Variants in VPS13D observed in about 807,000 individuals in gnomAD.
VPS13D encodes the protein vacuolar protein sorting 13 homolog D, also known as intermembrane lipid transfer protein VPS13D.
Under a neutral mutation model 461.9 loss-of-function variants are expected in VPS13D, and 187 were observed. The ratio of observed to expected loss-of-function variants is 0.40; its 90% CI spans 0.36 to 0.46. The LOEUF (loss-of-function observed/expected upper bound fraction) is 0.46, where lower values mean the gene tolerates loss of function less well. VPS13D is among the 20% of genes least tolerant of loss of function. The probability of loss-of-function intolerance (pLI) is 0.60; values close to 1 mark genes in which losing one functional copy is unlikely to be tolerated. For synonymous variants in VPS13D, 1,951 were observed against 1,986.3 expected (o/e 0.98, Z 0.47); for missense variants, 4,711 against 5,364.9 (o/e 0.88, Z 3.81).
In VPS13D at chr1:12,385,266, G is replaced by C. The variant is rs573301066; in HGVS notation, c.11377G>C (p.Asp3793His). ...GTGTTTTATTTGACTTCAGATAACA[G>C]ATTTCTGCCACCGGAAAAGCAGCCG... ...DGPTRALQIT[D>H]FCHRKSSRSY... Residue 3793 changes from aspartate (D) to histidine (H), a missense_variant, in exon 59 of 70, where the codon GAT becomes CAT. Coordinates refer to ENST00000620676, the MANE Select transcript of VPS13D (RefSeq NM_015378.4). 6.2e-7 allele frequency: 1 copy of C among 1,613,488 alleles called. No homozygotes were observed. Among genetic ancestry groups the C allele is most frequent in the African/African-American group, 1.3e-5 (1 of 75,020 alleles).
intron 38 of VPS13D, among the ~76,000 whole-genome samples, chr1:12,335,199 T>G (rs2101563602): frequency 6.6e-6 from 1 of 152,290 alleles, no homozygotes; most frequent in South Asian, 2.1e-4. Flanking sequence ...ACTGAGTAGC[T>G]GGGACTACAG....
chr1:12,252,600 C>T (rs1263306240), intron 6 of VPS13D, among the ~76,000 whole-genome samples: 1 of 151,278 alleles, frequency 6.6e-6, no homozygotes, highest in Non-Finnish European at 1.5e-5. Context: ...GATGAAACCC[C>T]ATCTCTATTA....
intron 55 of VPS13D, among the ~76,000 whole-genome samples, chr1:12,377,142 C>T (rs889426626): frequency 6.6e-6 from 1 of 151,978 alleles, no homozygotes; most frequent in Middle Eastern, 3.4e-3. Context: ...TCACTGCAAC[C>T]TCTGCCTCCT....
At position 12,257,823 on chromosome 1, in the gene VPS13D, A is replaced by G. The variant is rs1181164130; in HGVS notation, c.942-112A>G. On this transcript the variant is annotated intron_variant, in intron 9 of 69. Coordinates refer to ENST00000620676, the MANE Select transcript of VPS13D (RefSeq NM_015378.4). ...CTTAATATATAAACTGGTGGCTGACAAGAGAAAAGATGTCTCAGGAGAGGA... is the reference window on the plus strand; with the variant it reads ...CTTAATATATAAACTGGTGGCTGACGAGAGAAAAGATGTCTCAGGAGAGGA... The G allele has an allele frequency of 3.1e-6, 4 of 1,299,516 alleles. No individual in the cohort carries two copies. The African/African-American group carries it at 5.9e-5, about 19-fold the overall frequency. The allele number at this position is 1,299,516 out of a possible 1,614,324, so 80.5% of individuals were successfully genotyped here. A position where few individuals can be genotyped will look rare whatever the true frequency, so the allele number is the denominator to read the frequency against.
intron 65 of VPS13D, among the ~76,000 whole-genome samples, chr1:12,424,555 G>A (rs1340025929): frequency 1.3e-5 from 2 of 152,124 alleles, no homozygotes; most frequent in Non-Finnish European, 2.9e-5. Context: ...GCAGCCTCAC[G>A]CATGAAGGAG....
intron 3 of VPS13D, 151 bp downstream of exon 3, chr1:12,242,741 T>C: frequency 1.5e-6 from 1 of 678,938 alleles, no homozygotes; most frequent in East Asian, 2.8e-5. Flanking sequence ...GTGTGGTCTT[T>C]GGGCCACTCG....
Position 12,369,565 on chromosome 1 carries a change from C to G in VPS13D, c.10671C>G (p.Thr3557=). Residue 3557 remains threonine, a synonymous_variant, in exon 54 of 70, where the codon ACC becomes ACG. Coordinates refer to ENST00000620676, the MANE Select transcript of VPS13D (RefSeq NM_015378.4). ...TGGATTATGCCTGGGACGAACCCAC[C>G]TTGCCACCTTTTATCACTCTGACTG... ...TSLDYAWDEP[T]LPPFITLTVK... The G allele has an allele frequency of 1.2e-5, 20 of 1,614,220 alleles. No individual in the cohort carries two copies. The highest frequency in any genetic ancestry group is 1.7e-5 in the Non-Finnish European group (20 of 1,180,038).
chr1:12,332,215 AGACT>A, intron 37 of VPS13D, among the ~76,000 whole-genome samples: 1 of 152,346 alleles, frequency 6.6e-6, no homozygotes, highest in South Asian at 2.1e-4. Flanking sequence ...TGTACCGTAG[AGACT>A]GTCTTGCCTG....
At chr1:12,307,517 G>A (rs1642600379) in intron 26 of VPS13D, among the ~76,000 whole-genome samples, 1 of 152,128 alleles carries the variant, frequency 6.6e-6, no homozygotes, top group African/African-American at 2.4e-5. Context: ...TTTGTTTTGA[G>A]ATGGAGTCTT....
Position 12,282,754 on chromosome 1 carries a change from A to G in VPS13D, c.4652A>G (p.Asn1551Ser), listed in dbSNP as rs1242646802. ...VYEQVLQTLDNLVYSEDLNKY... is the reference protein window; with the variant it reads ...VYEQVLQTLDSLVYSEDLNKY... ...GAGCAGGTTTTACAAACCCTGGACA[A>G]TCTCGTGTACAGTGAAGATCTGAAT... Residue 1551 changes from asparagine (N) to serine (S), a missense_variant, in exon 21 of 70, where the codon AAT becomes AGT. Asn to Ser is a conservative substitution (Grantham distance 46). Around this residue, in one of 3 missense-constraint regions of VPS13D, gnomAD observed 4,411 missense variants for 4,937.8 expected, o/e 0.89. Transcript: ENST00000620676. 2 of 1,613,904 alleles carry G rather than the reference A, an allele frequency of 1.2e-6. No individual in the cohort carries two copies. The highest frequency in any genetic ancestry group is 1.7e-5 in the Admixed American group (1 of 59,988).
rs755327823 is a variant in VPS13D, at chr1:12,234,344, C to T, written c.78C>T (p.Leu26=). 1.9e-6 allele frequency: 3 copies of T among 1,613,842 alleles called. No individual in the cohort carries two copies. Among genetic ancestry groups the T allele is most frequent in the Non-Finnish European group, 2.5e-6 (3 of 1,179,908 alleles). The change falls in exon 2 of 70, where the codon CTC becomes CTT. Residue 26 remains leucine, a synonymous_variant. Coordinates refer to ENST00000620676, the MANE Select transcript of VPS13D (RefSeq NM_015378.4). Reference sequence around the variant, plus strand: ...TCAATAACCTGAACACTGACCAGCTCTCAGTTGCACTTCTCAAAGGTGAGT... The same window carrying T: ...TCAATAACCTGAACACTGACCAGCTTTCAGTTGCACTTCTCAAAGGTGAGT... ...KYVNNLNTDQ[L]SVALLKGAVE...
Position 12,460,395 on chromosome 1 carries a change from A to G in VPS13D, c.12661A>G (p.Arg4221Gly). Residue 4221 changes from arginine (R) to glycine (G), a missense_variant and splice_region_variant, in exon 67 of 70, where the codon AGG becomes GGG. This residue lies in a region of VPS13D where 194 missense variants were observed against 220.9 expected (regional missense o/e 0.88). Coordinates refer to ENST00000620676, the MANE Select transcript of VPS13D (RefSeq NM_015378.4). ...VRDTATLSGP[R>G]TQAQRVRKPR... Reference sequence around the variant, plus strand: ...AGACACAGCCACACTCAGCGGCCCCAGGTCAGTGGTGTGGGAAGAATGGCT... The same window carrying G: ...AGACACAGCCACACTCAGCGGCCCCGGGTCAGTGGTGTGGGAAGAATGGCT... 6.3e-7 allele frequency: 1 copy of G among 1,581,880 alleles called. No homozygotes were observed. Among genetic ancestry groups the G allele is most frequent in the African/African-American group, 1.4e-5 (1 of 73,830 alleles).
At chr1:12,362,296 C>G (rs1643962648) in intron 50 of VPS13D, among the ~76,000 whole-genome samples, 1 of 152,188 alleles carries the variant, frequency 6.6e-6, no homozygotes, top group Admixed American at 6.5e-5. Flanking sequence ...GAAATTTCCA[C>G]TGTATCTGTA....
chr1:12,348,148 AC>A (rs1306376399), intron 44 of VPS13D, among the ~76,000 whole-genome samples: 4 of 152,280 alleles, frequency 2.6e-5, no homozygotes, highest in Non-Finnish European at 5.9e-5. Flanking sequence ...TGAAAGGCAC[AC>A]CAATGCAGAC....
Position 12,282,884 on chromosome 1 carries a change from C to T in VPS13D, c.4782C>T (p.Phe1594=), listed in dbSNP as rs1641829882. 2 of 1,614,138 alleles carry T rather than the reference C, an allele frequency of 1.2e-6. No individual in the cohort carries two copies. Among genetic ancestry groups the T allele is most frequent in the South Asian group, 1.1e-5 (1 of 91,072 alleles). ...TTGAAAGGAAGGAGAATGGATTGTTCAGCCACTCCAGCCTTTCTAACACCT... is the reference window on the plus strand; with the variant it reads ...TTGAAAGGAAGGAGAATGGATTGTTTAGCCACTCCAGCCTTTCTAACACCT... ...SSVERKENGL[F]SHSSLSNTSQ... is the part of the protein sequence containing the mutation. Residue 1594 remains phenylalanine, a synonymous_variant, in exon 21 of 70, where the codon TTC becomes TTT. Transcript: ENST00000620676.
chr1:12,239,202 C>T (rs899991545), intron 2 of VPS13D, among the ~76,000 whole-genome samples: 3 of 151,956 alleles, frequency 2.0e-5, no homozygotes, highest in African/African-American at 7.3e-5. Context: ...ATGGCACCAT[C>T]AAGGTTCACT....
chr1:12,267,676 GA>G (rs1467445772), intron 14 of VPS13D, among the ~76,000 whole-genome samples, 168 bp from the exon 15 acceptor site: 1 of 152,156 alleles, frequency 6.6e-6, no homozygotes, highest in Non-Finnish European at 1.5e-5. Context: ...CACTAGATTG[GA>G]AAAAGGGCAG....
Position 12,284,327 on chromosome 1 carries a change from C to A in VPS13D, c.5634+591C>A, listed in dbSNP as rs529043937. On this transcript the variant is annotated intron_variant, in intron 21 of 69. Transcript: ENST00000620676. ...TAAACTGAGGATGTTCAGTGGTGCC[C>A]CCATCATAGGGTTGTTGTAAGGCCC... Among the ~76,000 whole-genome samples, 3 of 152,220 alleles carry A rather than the reference C, an allele frequency of 2.0e-5. No homozygotes were observed. In the East Asian group the frequency reaches 5.8e-4, roughly 29 times the overall value.
chr1:12,481,240 T>C lies in VPS13D; in HGVS notation c.12663-16260T>C, dbSNP rs545703475. On this transcript the variant is annotated intron_variant, in intron 67 of 69. Coordinates refer to ENST00000620676, the MANE Select transcript of VPS13D (RefSeq NM_015378.4). ...CCAGGGCCTGCTGCTGATCAGTTTG[T>C]CCTGCTTGCAAGTCTGCATCCCAGT... 4.6e-5 allele frequency among the ~76,000 whole-genome samples: 7 copies of C among 152,294 alleles called. No individual in the cohort carries two copies. In the East Asian group the frequency reaches 1.4e-3, roughly 29 times the overall value.
Sources: allele counts gnomAD v4.1 joint callset (sites outside exome capture counted in the v4.1 genomes callset), GRCh38; gene constraint gnomAD v4.1.1; regional missense constraint gnomAD v4.1.1; transcripts MANE v1.5; gene names NCBI Gene and HGNC (gene_info 2026-07-23, HGNC 2026-07-21).